Variants in PPFIA2 observed in about 807,000 individuals in gnomAD.
PPFIA2 encodes PPFI scaffold protein A2.
In PPFIA2, 46 loss-of-function variants were observed where a neutral mutation model predicts 175.5. That is an observed-to-expected ratio of 0.26 (90% confidence interval 0.21 to 0.34). PPFIA2 has a LOEUF of 0.34. Ranked by LOEUF, PPFIA2 falls within the 10% of genes least tolerant of loss-of-function variation. The pLI is 1.00. For synonymous variants in PPFIA2, 568 were observed against 511.4 expected (o/e 1.11, Z -1.49); for missense variants, 1,179 against 1,506.1 (o/e 0.78, Z 3.60).
chr12:81,512,234 T>C (rs2147824332), intron 4 of PPFIA2: 1 of 1,053,352 alleles, frequency 9.5e-7, no homozygotes, highest in Non-Finnish European at 1.3e-6. Context: ...AACGGCTCCC[T>C]AATGCCTTCA....
intron 6 of PPFIA2, among the ~76,000 whole-genome samples, chr12:81,443,802 A>C (rs1296435974): frequency 3.0e-5 from 4 of 134,920 alleles, no homozygotes; most frequent in African/African-American, 1.1e-4. Context: ...TGCTTAAAAA[A>C]CCCTTAATCA....
chr12:81,363,052 C>A (rs1422224402), intron 14 of PPFIA2, among the ~76,000 whole-genome samples: 2 of 151,298 alleles, frequency 1.3e-5, no homozygotes, highest in Non-Finnish European at 1.5e-5. Context: ...TTATGACTAG[C>A]TATGTAGATG....
At chr12:81,411,782 T>G (rs1290322679) in intron 7 of PPFIA2, among the ~76,000 whole-genome samples, 3 of 151,988 alleles carry the variant, frequency 2.0e-5, no homozygotes, top group Non-Finnish European at 4.4e-5. Context: ...CTAATGGAAA[T>G]TGTACTCTCA....
intron 4 of PPFIA2, among the ~76,000 whole-genome samples, chr12:81,652,926 T>C (rs1049429339): frequency 6.6e-6 from 1 of 152,078 alleles, no homozygotes; most frequent in African/African-American, 2.4e-5. Flanking sequence ...TGAGCATCTA[T>C]CCAGTAGTTC....
intron 21 of PPFIA2, among the ~76,000 whole-genome samples, chr12:81,326,094 G>A (rs1353769124): frequency 1.3e-5 from 2 of 152,046 alleles, no homozygotes; most frequent in Non-Finnish European, 2.9e-5. Context: ...ATAATTTGTT[G>A]CACCCAGTGG....
At chr12:81,710,878 C>T (rs2077811633) in intron 3 of PPFIA2, among the ~76,000 whole-genome samples, 2 of 151,280 alleles carry the variant, frequency 1.3e-5, no homozygotes, top group Non-Finnish European at 2.9e-5. Context: ...TAGCTATGCT[C>T]AATCTGTATG....
intron 4 of PPFIA2, among the ~76,000 whole-genome samples, chr12:81,603,058 A>T (rs1045132545): frequency 6.6e-6 from 1 of 151,832 alleles, no homozygotes; most frequent in African/African-American, 2.4e-5. Flanking sequence ...TCAAAAATTA[A>T]AAATCAGCCT....
rs796415142 is a variant in PPFIA2 at position 81,642,746 on chromosome 12, T to C, written c.303+34045A>G. On this transcript the variant is annotated intron_variant, in intron 4 of 32. Transcript: ENST00000549396. ...ATACATACATGTATATGTATGTATG[T>C]ATTATATACATACATGTATATGTAT... 2.6e-5 allele frequency among the ~76,000 whole-genome samples: 2 copies of C among 76,582 alleles called. 1 individual carries two copies. Among genetic ancestry groups the C allele is most frequent in the Non-Finnish European group, 6.2e-5 (2 of 32,178 alleles). 50.2% of individuals were successfully genotyped at this position (76,582 alleles called of 152,430 possible).
intron 16 of PPFIA2, 107 bp downstream of exon 16, chr12:81,357,975 T>A: frequency 8.5e-7 from 1 of 1,173,930 alleles, no homozygotes; most frequent in Non-Finnish European, 1.2e-6. Flanking sequence ...TGTTTCAAAT[T>A]AATAAAAATG....
At chr12:81,433,447 C>G (rs966620535) in intron 7 of PPFIA2, among the ~76,000 whole-genome samples, 1 of 152,142 alleles carries the variant, frequency 6.6e-6, no homozygotes, top group African/African-American at 2.4e-5. Flanking sequence ...TACGTGTATA[C>G]GTCTGTCTCT....
intron 28 of PPFIA2, among the ~76,000 whole-genome samples, chr12:81,269,053 T>C (rs990572536): frequency 6.6e-6 from 1 of 152,168 alleles, no homozygotes; most frequent in East Asian, 1.9e-4. Context: ...GAGGAAAAAA[T>C]TTCTTTGATT....
Position 81,595,854 on chromosome 12 carries a change from A to C in PPFIA2, c.303+80937T>G, listed in dbSNP as rs138981853. On this transcript the variant is annotated intron_variant, in intron 4 of 32. Coordinates refer to ENST00000549396, the MANE Select transcript of PPFIA2 (RefSeq NM_003625.5). ...CGAGAATATGGAGCTAAAACACAGT[A>C]TTATTCATGCTAAGCTCTCTTAAAT... 2.3e-4 allele frequency among the ~76,000 whole-genome samples: 35 copies of C among 152,320 alleles called. 1 individual carries two copies. In the East Asian group the frequency reaches 6.6e-3, roughly 29 times the overall value.
At chr12:81,593,758 T>A (rs1160030301) in intron 4 of PPFIA2, among the ~76,000 whole-genome samples, 1 of 152,144 alleles carries the variant, frequency 6.6e-6, no homozygotes, top group Non-Finnish European at 1.5e-5. Flanking sequence ...GCAAAGACAA[T>A]CACACAGAAG....
intron 4 of PPFIA2, among the ~76,000 whole-genome samples, chr12:81,568,691 C>A (rs1197099590): frequency 1.3e-5 from 2 of 152,102 alleles, no homozygotes; most frequent in Non-Finnish European, 1.5e-5. Flanking sequence ...TGATGAGAAA[C>A]CATCCCTCCA....
chr12:81,333,144 G>A (rs1456515456), intron 21 of PPFIA2, among the ~76,000 whole-genome samples: 1 of 151,978 alleles, frequency 6.6e-6, no homozygotes, highest in African/African-American at 2.4e-5. Flanking sequence ...CTTTTGCTCG[G>A]CAATTTCCAA....
At chr12:81,262,444 A>T (rs1384254576) in intron 31 of PPFIA2, among the ~76,000 whole-genome samples, 1 of 152,184 alleles carries the variant, frequency 6.6e-6, no homozygotes, top group Non-Finnish European at 1.5e-5. Flanking sequence ...CACCGTATTA[A>T]CAAGTTGTAA....
Position 81,284,232 on chromosome 12 carries a change from A to G in PPFIA2, c.2988+9T>C, listed in dbSNP as rs1320438262. 1 of 1,564,922 alleles carries G rather than the reference A, an allele frequency of 6.4e-7. No individual in the cohort carries two copies. Among genetic ancestry groups the G allele is most frequent in the Admixed American group, 1.7e-5 (1 of 58,544 alleles). ...TTCCTTCAGGTTCAACAAAGCCATT[A>G]AGACTAACCGTTTTTGCTGGAGCTG... On this transcript the variant is annotated intron_variant, in intron 25 of 32. Transcript: ENST00000549396.
At chr12:81,489,837 T>C (rs1253747909) in intron 4 of PPFIA2, among the ~76,000 whole-genome samples, 1 of 151,896 alleles carries the variant, frequency 6.6e-6, no homozygotes, top group Non-Finnish European at 1.5e-5. Context: ...TTCTAACTCT[T>C]ATGGCATAAC....
At chr12:81,312,143 A>G in intron 22 of PPFIA2, 3 of 1,534,636 alleles carry the variant, frequency 2.0e-6, no homozygotes, top group Non-Finnish European at 2.6e-6. Context: ...TTCAGCAGCC[A>G]TTGTGATTCA....
Sources: allele counts gnomAD v4.1 joint callset (sites outside exome capture counted in the v4.1 genomes callset), GRCh38; gene constraint gnomAD v4.1.1; transcripts MANE v1.5; gene names NCBI Gene and HGNC (gene_info 2026-07-23, HGNC 2026-07-21).